ELMO1: variants seen among roughly 807,000 people sequenced by gnomAD.
ELMO1 encodes the protein engulfment and cell motility protein 1.
Under a neutral mutation model 98.9 loss-of-function variants are expected in ELMO1, and 26 were observed. The observed-to-expected ratio is 0.26, with a 90% CI of 0.19 to 0.36. ELMO1 has a LOEUF of 0.36. ELMO1 is among the 10% of genes least tolerant of loss of function. The probability of loss-of-function intolerance (pLI) is 1.00; values close to 1 mark genes in which losing one functional copy is unlikely to be tolerated. For missense variants in ELMO1, 627 were observed against 935.2 expected, an observed-to-expected ratio of 0.67 and a Z score of 4.30; for synonymous variants, 346 against 346.0, an observed-to-expected ratio of 1.00 and a Z score of 0.00.
At chr7:37,236,474 TG>T (rs1236712338) in intron 7 of ELMO1, among the ~76,000 whole-genome samples, 2 of 152,202 alleles carry the variant, frequency 1.3e-5, no homozygotes, top group Non-Finnish European at 2.9e-5. Context: ...ATAGCTCTCT[TG>T]ATCTATCTAA....
intron 16 of ELMO1, among the ~76,000 whole-genome samples, chr7:36,995,775 A>G (rs1310455505): frequency 4.6e-5 from 7 of 152,234 alleles, no homozygotes; most frequent in Admixed American, 4.6e-4. Context: ...GAACATCTAT[A>G]TGCACATCTT....
intron 15 of ELMO1, among the ~76,000 whole-genome samples, chr7:37,016,458 A>G (rs1309093602): frequency 6.6e-6 from 1 of 152,068 alleles, no homozygotes; most frequent in East Asian, 1.9e-4. Flanking sequence ...CAGTCAGCTG[A>G]CCCAGCAGCA....
intron 15 of ELMO1, among the ~76,000 whole-genome samples, chr7:37,064,566 C>T (rs1008303358): frequency 3.3e-5 from 5 of 152,192 alleles, no homozygotes; most frequent in South Asian, 2.1e-4. Flanking sequence ...GGAAATAATA[C>T]GGGCAAAGCC....
intron 1 of ELMO1, among the ~76,000 whole-genome samples, chr7:37,386,952 A>G (rs1426500781): frequency 1.3e-5 from 2 of 152,214 alleles, no homozygotes; most frequent in African/African-American, 4.8e-5. Context: ...ATTGGCCTGG[A>G]GCAAGGCCCA....
chr7:37,166,179 G>A (rs1374756217), intron 13 of ELMO1, among the ~76,000 whole-genome samples: 1 of 152,118 alleles, frequency 6.6e-6, no homozygotes, highest in African/African-American at 2.4e-5. Flanking sequence ...GGGATTGGTG[G>A]TGATATCCCC....
At chr7:37,382,453 T>C (rs981338967) in intron 1 of ELMO1, among the ~76,000 whole-genome samples, 16 of 152,232 alleles carry the variant, frequency 1.1e-4, no homozygotes, top group African/African-American at 3.9e-4. Context: ...AGAATTATTT[T>C]GAGCTGAAGG....
At chr7:37,402,348 C>T (rs79459265) in intron 1 of ELMO1, among the ~76,000 whole-genome samples, 14,716 of 152,112 alleles carry the variant, frequency 0.097, 932 homozygotes, top group Non-Finnish European at 0.14. Flanking sequence ...GCTAGAGTGA[C>T]GACAGAACCC....
intron 1 of ELMO1, among the ~76,000 whole-genome samples, chr7:37,448,314 C>T (rs1324628232): frequency 6.6e-6 from 1 of 151,752 alleles, no homozygotes; most frequent in Non-Finnish European, 1.5e-5. Flanking sequence ...CCCCCCCTCC[C>T]GCAGACCCTG....
At chr7:37,015,538 T>C (rs1489440907) in intron 15 of ELMO1, among the ~76,000 whole-genome samples, 1 of 151,156 alleles carries the variant, frequency 6.6e-6, no homozygotes, top group Non-Finnish European at 1.5e-5. Context: ...GAGCTGGAGG[T>C]TGCAGTGAAC....
At position 37,365,095 on chromosome 7, in the gene ELMO1, G is replaced by A. The variant is rs146013073; in HGVS notation, c.-73-22332C>T. 4.0e-3 allele frequency among the ~76,000 whole-genome samples: 611 copies of A among 152,188 alleles called. 7 individuals are homozygous for A. Among genetic ancestry groups the A allele is most frequent in the African/African-American group, 0.014 (591 of 41,536 alleles). On this transcript the variant is annotated intron_variant, in intron 1 of 21. Transcript: ENST00000310758. ...AGCAGTTTTCCTGTCCATTCCCACCGAATGGAAAATACAGCCATTCCGCCT... is the reference window on the plus strand; with the variant it reads ...AGCAGTTTTCCTGTCCATTCCCACCAAATGGAAAATACAGCCATTCCGCCT...
At chr7:37,219,932 A>G (rs10253991) in intron 10 of ELMO1, among the ~76,000 whole-genome samples, 43,855 of 152,142 alleles carry the variant, frequency 0.29, 7,132 homozygotes, top group African/African-American at 0.44. Context: ...AAAAATTCAG[A>G]ACTTTTAATT....
At chr7:36,859,078 C>A (rs921183200) in intron 21 of ELMO1, among the ~76,000 whole-genome samples, 2 of 152,026 alleles carry the variant, frequency 1.3e-5, no homozygotes, top group African/African-American at 4.8e-5. Context: ...GGAAAAAAGG[C>A]ACATGCTCAT....
At chr7:37,287,079 G>A (rs1797428295) in intron 4 of ELMO1, among the ~76,000 whole-genome samples, 1 of 151,898 alleles carries the variant, frequency 6.6e-6, no homozygotes, top group South Asian at 2.1e-4. Context: ...TATAGTTCCA[G>A]CTATTTGAGA....
At chr7:37,032,958 T>C (rs1468319182) in intron 15 of ELMO1, among the ~76,000 whole-genome samples, 1 of 152,124 alleles carries the variant, frequency 6.6e-6, no homozygotes, top group Non-Finnish European at 1.5e-5. Flanking sequence ...GGCATTTGAA[T>C]TGCACCTAAG....
At chr7:37,277,019 T>G (rs1380055140) in intron 4 of ELMO1, among the ~76,000 whole-genome samples, 1 of 152,236 alleles carries the variant, frequency 6.6e-6, no homozygotes, top group Non-Finnish European at 1.5e-5. Flanking sequence ...GCAGATAGTT[T>G]ATTATGTCTA....
In ELMO1 at chr7:36,946,089, C is replaced by T. The variant is rs1787459640; in HGVS notation, c.1438-51072G>A. On this transcript the variant is annotated intron_variant, in intron 16 of 21. Coordinates refer to ENST00000310758, the MANE Select transcript of ELMO1 (RefSeq NM_014800.11). Reference sequence around the variant, plus strand: ...TGAGCTGGGAACAGGAACAGCAAAGCTGACAGCTGTGCTTTTCTGCACCAA... The same window carrying T: ...TGAGCTGGGAACAGGAACAGCAAAGTTGACAGCTGTGCTTTTCTGCACCAA... 2.0e-5 allele frequency among the ~76,000 whole-genome samples: 3 copies of T among 152,360 alleles called. No homozygotes were observed. In the South Asian group the frequency reaches 6.2e-4, roughly 32 times the overall value.
intron 13 of ELMO1, among the ~76,000 whole-genome samples, chr7:37,170,333 A>T (rs1483464496): frequency 6.6e-6 from 1 of 152,244 alleles, no homozygotes; most frequent in African/African-American, 2.4e-5. Flanking sequence ...AATATTTAAA[A>T]ATTCAGCATT....
intron 5 of ELMO1, among the ~76,000 whole-genome samples, chr7:37,264,611 G>A (rs565921201): frequency 1.3e-5 from 2 of 152,278 alleles, no homozygotes; most frequent in South Asian, 2.1e-4. Context: ...GTAGGTCTCT[G>A]TATCAGACAG....
chr7:36,901,255 G>A (rs1806484388), intron 16 of ELMO1, among the ~76,000 whole-genome samples: 1 of 152,228 alleles, frequency 6.6e-6, no homozygotes, highest in South Asian at 2.1e-4. Context: ...GCTGAGTGGT[G>A]TCGTGCATAT....
Sources: gnomAD v4.1 joint callset for allele counts (sites outside exome capture counted in the v4.1 genomes callset) on GRCh38, gnomAD v4.1.1 for gene constraint, MANE v1.5 for transcripts, NCBI Gene and HGNC (gene_info 2026-07-23, HGNC 2026-07-21) for gene names.